The following RBFOX1 variants were observed in gnomAD, a reference collection of about 807,000 sequenced individuals.
The protein encoded by RBFOX1 is RNA binding protein fox-1 homolog 1.
Under a neutral mutation model 57.7 loss-of-function variants are expected in RBFOX1, and 8 were observed. That is an observed-to-expected ratio of 0.14 (90% confidence interval 0.08 to 0.25). The LOEUF is 0.25. Ranked by LOEUF, RBFOX1 falls within the 10% of genes least tolerant of loss-of-function variation. RBFOX1 has a pLI of 1.00. For missense variants in RBFOX1, 611 were observed against 548.5 expected, an observed-to-expected ratio of 1.11 and a Z score of -1.14; for synonymous variants, 326 against 222.4, an observed-to-expected ratio of 1.47 and a Z score of -4.15.
intron 3 of RBFOX1, among the ~76,000 whole-genome samples, chr16:5,636,065 A>C (rs1018215912): frequency 6.6e-6 from 1 of 152,130 alleles, no homozygotes; most frequent in African/African-American, 2.4e-5. Flanking sequence ...AGAAAAAAAA[A>C]AGGCTGGCAT....
At chr16:6,391,040 C>T (rs1278918796) in intron 2 of RBFOX1, among the ~76,000 whole-genome samples, 1 of 152,120 alleles carries the variant, frequency 6.6e-6, no homozygotes, top group Non-Finnish European at 1.5e-5. Flanking sequence ...GACGATAGTA[C>T]CTCGCACTCC....
chr16:7,233,368 G>T (rs1039773804), intron 4 of RBFOX1, among the ~76,000 whole-genome samples: 2 of 152,020 alleles, frequency 1.3e-5, no homozygotes, highest in African/African-American at 4.8e-5. Flanking sequence ...TGTTATTCAC[G>T]TGCTTCCAAG....
At chr16:7,668,622 G>T (rs1347118645) in intron 13 of RBFOX1, among the ~76,000 whole-genome samples, 1 of 151,728 alleles carries the variant, frequency 6.6e-6, no homozygotes, top group Non-Finnish European at 1.5e-5. Context: ...GGGTAGGAAT[G>T]ATCTTTATCT....
intron 3 of RBFOX1, among the ~76,000 whole-genome samples, chr16:6,901,913 G>A (rs2068596610): frequency 6.6e-6 from 1 of 152,170 alleles, no homozygotes; most frequent in Non-Finnish European, 1.5e-5. Context: ...TTTGCCATCT[G>A]GCTTTTAAGC....
chr16:7,106,367 A>G (rs2063582240), intron 4 of RBFOX1, among the ~76,000 whole-genome samples: 2 of 152,180 alleles, frequency 1.3e-5, no homozygotes, highest in African/African-American at 4.8e-5. Context: ...GAATTGGCAA[A>G]TGGAGTCAGA....
At chr16:6,854,113 C>G (rs949687219) in intron 3 of RBFOX1, among the ~76,000 whole-genome samples, 1 of 152,164 alleles carries the variant, frequency 6.6e-6, no homozygotes, top group Non-Finnish European at 1.5e-5. Context: ...TTTTACAAAA[C>G]TCCATTGCTC....
chr16:7,317,331 G>A (rs2096462791), intron 4 of RBFOX1, among the ~76,000 whole-genome samples: 1 of 152,118 alleles, frequency 6.6e-6, no homozygotes, highest in African/African-American at 2.4e-5. Flanking sequence ...GACCTGGGTG[G>A]TATGCAGCTT....
intron 4 of RBFOX1, among the ~76,000 whole-genome samples, chr16:7,120,811 T>A (rs1438687330): frequency 1.9e-5 from 1 of 53,480 alleles, no homozygotes; most frequent in Non-Finnish European, 3.9e-5. Flanking sequence ...CTATATGTAA[T>A]ATTTTATATA....
At chr16:6,264,335 A>G (rs573815059) in intron 1 of RBFOX1, among the ~76,000 whole-genome samples, 43 of 152,278 alleles carry the variant, frequency 2.8e-4, no homozygotes, top group African/African-American at 9.6e-4. Flanking sequence ...TCTCCCAGTG[A>G]AGTTGCACTG....
chr16:7,513,050 G>A (rs1426858068), intron 4 of RBFOX1, among the ~76,000 whole-genome samples: 1 of 149,738 alleles, frequency 6.7e-6, no homozygotes, highest in Non-Finnish European at 1.5e-5. Context: ...GATCACTTGA[G>A]GCCAGCAGTT....
chr16:6,005,196 T>G (rs1388151811), intron 4 of RBFOX1, among the ~76,000 whole-genome samples: 1 of 152,200 alleles, frequency 6.6e-6, no homozygotes, highest in African/African-American at 2.4e-5. Flanking sequence ...TTATATTTCG[T>G]TCAAATGTAT....
chr16:7,509,426 G>GTGTGTGTGTGTGTC (rs1555531504), intron 4 of RBFOX1, among the ~76,000 whole-genome samples: 24 of 146,380 alleles, frequency 1.6e-4, no homozygotes, highest in African/African-American at 5.8e-4. Context: ...GTGTGTGTGT[G>GTGTGTGTGTGTGTC]TGTGTCTGTG....
chr16:5,591,626 A>G (rs901748157), intron 2 of RBFOX1, among the ~76,000 whole-genome samples: 13 of 152,176 alleles, frequency 8.5e-5, no homozygotes, highest in East Asian at 5.8e-4. Flanking sequence ...AGAAATGCCT[A>G]TATTCTTAAA....
intron 3 of RBFOX1, among the ~76,000 whole-genome samples, chr16:6,728,328 T>A (rs1023124921): frequency 3.3e-5 from 5 of 151,750 alleles, no homozygotes; most frequent in African/African-American, 1.2e-4. Context: ...AAACGTAACT[T>A]GAGCAAATTT....
chr16:7,249,911 A>G (rs995541940), intron 4 of RBFOX1, among the ~76,000 whole-genome samples: 1 of 152,226 alleles, frequency 6.6e-6, no homozygotes, highest in Non-Finnish European at 1.5e-5. Flanking sequence ...GGTTAAACCA[A>G]TTTACACTCT....
At position 7,145,188 on chromosome 16, in the gene RBFOX1, T is replaced by A. The variant is rs1161467911; in HGVS notation, c.27+93090T>A. Among the ~76,000 whole-genome samples the A allele has an allele frequency of 7.3e-5, 5 of 68,770 alleles. No individual in the cohort carries two copies. In the Admixed American group the frequency reaches 9.0e-4, roughly 12 times the overall value. The allele number at this position is 68,770 out of a possible 152,430, so 45.1% of individuals were successfully genotyped here. A position where few individuals can be genotyped will look rare whatever the true frequency, so the allele number is the denominator to read the frequency against. ...TCATTTCTTTACCCCCTACCCTTTTTTGTTTCGTTTTGTTTTGTTTTGTTT... is the reference window on the plus strand; with the variant it reads ...TCATTTCTTTACCCCCTACCCTTTTATGTTTCGTTTTGTTTTGTTTTGTTT... On this transcript the variant is annotated intron_variant, in intron 4 of 15. Transcript: ENST00000550418.
At chr16:6,910,458 G>C (rs2071275143) in intron 3 of RBFOX1, among the ~76,000 whole-genome samples, 1 of 152,168 alleles carries the variant, frequency 6.6e-6, no homozygotes, top group African/African-American at 2.4e-5. Context: ...CAAGGACTTG[G>C]CTCTGTGCCT....
intron 4 of RBFOX1, among the ~76,000 whole-genome samples, chr16:7,259,349 A>T (rs1342140076): frequency 6.6e-6 from 1 of 152,122 alleles, no homozygotes; most frequent in East Asian, 1.9e-4. Context: ...CTTTAACCAA[A>T]AGCGAATGGG....
intron 4 of RBFOX1, among the ~76,000 whole-genome samples, chr16:7,196,479 G>A (rs1292131193): frequency 6.6e-6 from 1 of 152,146 alleles, no homozygotes; most frequent in Non-Finnish European, 1.5e-5. Flanking sequence ...AAGGTCCAAT[G>A]GCTTCCCAAA....
Sources: allele counts gnomAD v4.1 joint callset (sites outside exome capture counted in the v4.1 genomes callset), GRCh38; gene constraint gnomAD v4.1.1; transcripts MANE v1.5; gene names NCBI Gene and HGNC (gene_info 2026-07-23, HGNC 2026-07-21).